Variants in PITPNA observed in about 807,000 individuals in gnomAD.
PITPNA encodes phosphatidylinositol transfer protein alpha isoform.
Under a neutral mutation model 50.3 loss-of-function variants are expected in PITPNA, and 13 were observed. The ratio of observed to expected loss-of-function variants is 0.26; its 90% CI spans 0.17 to 0.41. The LOEUF (loss-of-function observed/expected upper bound fraction) is 0.41. Ranked by LOEUF, PITPNA falls within the 10% of genes least tolerant of loss-of-function variation. PITPNA has a pLI of 1.00. For synonymous variants in PITPNA, 120 were observed against 119.6 expected (o/e 1.00, Z -0.02); for missense variants, 207 against 333.4 (o/e 0.62, Z 2.95).
At chr17:1,536,884 T>C (rs976358445) in intron 7 of PITPNA, among the ~76,000 whole-genome samples, 21 of 149,236 alleles carry the variant, frequency 1.4e-4, no homozygotes, top group African/African-American at 4.9e-4. Context: ...TGAGTCACTA[T>C]GTCCGGCCGA....
At chr17:1,522,183 T>G (rs1164354039) in intron 10 of PITPNA, among the ~76,000 whole-genome samples, 1 of 151,138 alleles carries the variant, frequency 6.6e-6, no homozygotes, top group Non-Finnish European at 1.5e-5. Context: ...GCCATTCTCC[T>G]GCCTCAGCCT....
chr17:1,535,400 C>G (rs374746766), intron 8 of PITPNA, 41 bp downstream of exon 8: 5 of 1,559,194 alleles, frequency 3.2e-6, no homozygotes, highest in Non-Finnish European at 3.5e-6. Context: ...GGCCCACCCA[C>G]ATGCTGCCCA....
chr17:1,558,661 A>C (rs1243965749), intron 1 of PITPNA, 102 bp from the exon 2 acceptor site: 19 of 833,670 alleles, frequency 2.3e-5, no homozygotes, highest in Non-Finnish European at 3.4e-5. Flanking sequence ...CTATTGTGTA[A>C]GACACTAAAT....
At chr17:1,544,103 C>T (rs2075661355) in intron 4 of PITPNA, among the ~76,000 whole-genome samples, 1 of 152,194 alleles carries the variant, frequency 6.6e-6, no homozygotes, top group Admixed American at 6.5e-5. Context: ...AACTAAGCAC[C>T]TTTTTTGAAT....
chr17:1,540,383 G>T (rs1328772089), intron 6 of PITPNA, among the ~76,000 whole-genome samples: 1 of 152,098 alleles, frequency 6.6e-6, no homozygotes, highest in South Asian at 2.1e-4. Flanking sequence ...CCACCTCTAA[G>T]AGATCCTACA....
At chr17:1,548,895 A>G (rs1366615161) in intron 3 of PITPNA, among the ~76,000 whole-genome samples, 2 of 151,980 alleles carry the variant, frequency 1.3e-5, no homozygotes, top group African/African-American at 4.8e-5. Context: ...CTTCTACTCA[A>G]TTCTTTTTTT....
chr17:1,539,054 T>C (rs2075633934), intron 6 of PITPNA, 102 bp from the exon 7 acceptor site: 2 of 681,544 alleles, frequency 2.9e-6, no homozygotes, highest in African/African-American at 3.6e-5. Context: ...TAGCCACAGA[T>C]GTAAGATTCC....
At chr17:1,546,968 T>C (rs2075677910) in intron 4 of PITPNA, among the ~76,000 whole-genome samples, 1 of 152,134 alleles carries the variant, frequency 6.6e-6, no homozygotes, top group Non-Finnish European at 1.5e-5. Flanking sequence ...ATTCATATGA[T>C]GGAATACTAT....
intron 4 of PITPNA, among the ~76,000 whole-genome samples, chr17:1,545,575 A>G (rs2075669033): frequency 6.6e-6 from 1 of 152,242 alleles, no homozygotes; most frequent in African/African-American, 2.4e-5. Context: ...CCCTGTCTCC[A>G]TGAAATATTT....
At chr17:1,545,666 T>C (rs924626176) in intron 4 of PITPNA, among the ~76,000 whole-genome samples, 3 of 152,236 alleles carry the variant, frequency 2.0e-5, no homozygotes, top group Admixed American at 6.5e-5. Context: ...TGTTTTTCTT[T>C]TCTTTTGGCC....
chr17:1,541,742 G>A (rs756267494), intron 5 of PITPNA, 102 bp from the exon 6 acceptor site: 1 of 776,156 alleles, frequency 1.3e-6, no homozygotes, highest in Admixed American at 2.0e-5. Flanking sequence ...TGGGCAGCTA[G>A]GAGATTCCAG....
intron 3 of PITPNA, among the ~76,000 whole-genome samples, chr17:1,551,009 CGGGGCGG>C (rs1379941317): frequency 8.8e-5 from 13 of 147,878 alleles, no homozygotes; most frequent in Admixed American, 6.7e-4. Flanking sequence ...GAGAGTGTTG[CGGGGCGG>C]AGTCAGCGGG....
intron 2 of PITPNA, among the ~76,000 whole-genome samples, chr17:1,556,571 G>C (rs1369884906): frequency 6.6e-6 from 1 of 152,054 alleles, no homozygotes; most frequent in African/African-American, 2.4e-5. Context: ...AGACACTCTC[G>C]CCCTTCGTTC....
chr17:1,559,062 T>G (rs912863189), intron 1 of PITPNA, among the ~76,000 whole-genome samples: 1 of 152,038 alleles, frequency 6.6e-6, no homozygotes, highest in Non-Finnish European at 1.5e-5. Context: ...CAAGAGGCCC[T>G]GGGGACTTAA....
chr17:1,520,889 A>G (rs748835854), intron 11 of PITPNA, among the ~76,000 whole-genome samples: 1 of 152,178 alleles, frequency 6.6e-6, no homozygotes, highest in Non-Finnish European at 1.5e-5. Flanking sequence ...GAGCAGAGCC[A>G]GGTTTTTCAT....
chr17:1,536,357 G>C (rs1259399991), intron 7 of PITPNA, among the ~76,000 whole-genome samples: 1 of 140,016 alleles, frequency 7.1e-6, no homozygotes, highest in Admixed American at 7.3e-5. Context: ...GCGCGATCTC[G>C]GCTCACTGCA....
At chr17:1,524,853 A>G (rs2075537704) in intron 10 of PITPNA, among the ~76,000 whole-genome samples, 1 of 146,494 alleles carries the variant, frequency 6.8e-6, no homozygotes, top group Non-Finnish European at 1.5e-5. Flanking sequence ...CATCTCAAAA[A>G]AGAAAAAAAA....
intron 4 of PITPNA, among the ~76,000 whole-genome samples, chr17:1,545,942 T>TTTTTTA (rs1343399914): frequency 1.3e-3 from 152 of 115,208 alleles, no homozygotes; most frequent in African/African-American, 4.8e-3. Flanking sequence ...TTTTTTTTTT[T>TTTTTTA]AATAAACGGA....
intron 10 of PITPNA, among the ~76,000 whole-genome samples, chr17:1,530,975 C>T (rs935949157): frequency 6.6e-6 from 1 of 151,982 alleles, no homozygotes; most frequent in African/African-American, 2.4e-5. Context: ...TTTGAAAGTC[C>T]AAATGGAGAA....
Sources: gnomAD v4.1 joint callset for allele counts (sites outside exome capture counted in the v4.1 genomes callset) on GRCh38, gnomAD v4.1.1 for gene constraint, MANE v1.5 for transcripts, NCBI Gene and HGNC (gene_info 2026-07-23, HGNC 2026-07-21) for gene names.